CTNS: variants seen among roughly 807,000 people sequenced by gnomAD.
CTNS encodes the protein cystinosin, lysosomal cystine transporter.
Under a neutral mutation model 43.7 loss-of-function variants are expected in CTNS, and 27 were observed. The observed-to-expected ratio is 0.62, with a 90% confidence interval of 0.46 to 0.85. CTNS has a LOEUF of 0.85. CTNS is among the 40% of genes least tolerant of loss of function. The pLI is 0.00. For synonymous variants in CTNS, 187 were observed against 190.6 expected (o/e 0.98, Z 0.16); for missense variants, 457 against 475.4 (o/e 0.96, Z 0.36).
intron 3 of CTNS, among the ~76,000 whole-genome samples, chr17:3,643,880 T>A (rs1312489950): frequency 6.6e-6 from 1 of 152,118 alleles, no homozygotes; most frequent in Non-Finnish European, 1.5e-5. Flanking sequence ...AATTTTTTTT[T>A]AATTAGCTGG....
rs1416577826 is a variant in CTNS at position 3,655,251 on chromosome 17, C to T, written c.360C>T (p.Ser120=). The T allele has an allele frequency of 6.2e-7, 1 of 1,614,210 alleles. No homozygotes were observed. Among genetic ancestry groups the T allele is most frequent in the Non-Finnish European group, 8.5e-7 (1 of 1,180,036 alleles). The part of the protein sequence containing the change: ...GPRIRFLVIR[S]SAISIINQVI... ...GGATACGCTTTCTTGTGATCCGCAGCAGCGCCATTAGCATCATAAACCAGG... is the reference window on the plus strand; with the variant it reads ...GGATACGCTTTCTTGTGATCCGCAGTAGCGCCATTAGCATCATAAACCAGG... The change falls in exon 7 of 12, where the codon AGC becomes AGT. Residue 120 remains serine (S), a synonymous_variant. Coordinates refer to ENST00000046640, the MANE Select transcript of CTNS (RefSeq NM_004937.3).
rs1349016497 is a variant in CTNS at position 3,660,450 on chromosome 17, G to T, written c.*81G>T. 2 of 1,613,344 alleles carry T rather than the reference G, an allele frequency of 1.2e-6. No homozygotes were observed. Among genetic ancestry groups the T allele is most frequent in the African/African-American group, 2.7e-5 (2 of 74,952 alleles). ...TCACCCAGCGAAGGCCGGAGAAGCG[G>T]TTGGGCCCTGGCACACAGGGCTGGC... On this transcript the variant is annotated 3_prime_UTR_variant, in exon 12 of 12. Transcript: ENST00000046640.
chr17:3,638,551 T>C (rs566212631), intron 2 of CTNS, among the ~76,000 whole-genome samples: 72 of 152,288 alleles, frequency 4.7e-4, no homozygotes, highest in African/African-American at 1.6e-3. Flanking sequence ...TCTGATGTTT[T>C]TTAACATTTT....
intron 5 of CTNS, among the ~76,000 whole-genome samples, chr17:3,649,785 T>A (rs1241239054): frequency 1.3e-5 from 2 of 152,304 alleles, no homozygotes; most frequent in African/African-American, 2.4e-5. Context: ...TTTGAGCCAG[T>A]TGCTATTCAA....
chr17:3,651,202 A>G (rs1177523995), intron 5 of CTNS, among the ~76,000 whole-genome samples: 2 of 148,058 alleles, frequency 1.4e-5, no homozygotes, highest in Non-Finnish European at 3.0e-5. Context: ...TTAATCAATT[A>G]TCCTGCCCCA....
intron 10 of CTNS, among the ~76,000 whole-genome samples, chr17:3,659,396 C>T (rs887351954): frequency 2.0e-5 from 3 of 152,204 alleles, no homozygotes; most frequent in Non-Finnish European, 2.9e-5. Flanking sequence ...TGTCACTTGC[C>T]CAAGACAGCA....
intron 10 of CTNS, 93 bp from the exon 11 acceptor site, chr17:3,659,765 A>T: frequency 1.1e-6 from 1 of 890,842 alleles, no homozygotes; most frequent in Middle Eastern, 2.4e-4. Flanking sequence ...AGGAATGAGA[A>T]CCGCTTTTGT....
At chr17:3,653,730 G>A (rs1315178918) in intron 5 of CTNS, among the ~76,000 whole-genome samples, 1 of 152,062 alleles carries the variant, frequency 6.6e-6, no homozygotes, top group Non-Finnish European at 1.5e-5. Flanking sequence ...ACAAAAATTA[G>A]CCAGACGTGG....
At position 3,640,211 on chromosome 17, in the gene CTNS, T is replaced by A. The variant is rs768188337; in HGVS notation, c.5T>A (p.Ile2Lys). 1 of 1,614,020 alleles carries A rather than the reference T, an allele frequency of 6.2e-7. No homozygotes were observed. Among genetic ancestry groups the A allele is most frequent in the South Asian group, 1.1e-5 (1 of 91,088 alleles). The part of the protein sequence containing the change: M[I>K]RNWLTIFILF... ...AGTTCTGAGAAATCGAGAAACATGA[T>A]AAGGAATTGGCTGACTATTTTTATC... is the stretch of plus-strand genomic sequence containing the variant. Residue 2 changes from isoleucine (I) to lysine (K), a missense_variant, in exon 3 of 12, where the codon ATA becomes AAA. Physicochemically the swap from Ile to Lys is moderately radical, Grantham distance 102 (BLOSUM62 -3). Transcript: ENST00000046640.
chr17:3,636,920 C>T (rs1344323367), intron 1 of CTNS, 89 bp downstream of exon 1: 1 of 152,276 alleles, frequency 6.6e-6, no homozygotes, highest in Non-Finnish European at 1.5e-5. Flanking sequence ...GGTCCAGCGC[C>T]CTCAGCCGCG....
chr17:3,650,258 C>T (rs1435509993), intron 5 of CTNS: 3 of 1,550,002 alleles, frequency 1.9e-6, no homozygotes, highest in African/African-American at 1.4e-5. Context: ...CAGCTCTGAG[C>T]CCCCTAGGAA....
rs780856527 is a variant in CTNS at position 3,658,183 on chromosome 17, C to T, written c.852+8C>T. The T allele has an allele frequency of 4.9e-5, 79 of 1,611,854 alleles. No individual in the cohort carries two copies. The highest frequency in any genetic ancestry group is 2.2e-4 in the Middle Eastern group (1 of 4,558). ...GTCAAGTATTTTCCACAGGTACCTCCAGGGCCCTGTTCACATGGCCGGTGG... is the reference window on the plus strand; with the variant it reads ...GTCAAGTATTTTCCACAGGTACCTCTAGGGCCCTGTTCACATGGCCGGTGG... On this transcript the variant is annotated splice_region_variant and intron_variant, in intron 10 of 11. Transcript: ENST00000046640.
chr17:3,646,684 G>A (rs1303812824), intron 3 of CTNS, among the ~76,000 whole-genome samples: 1 of 152,062 alleles, frequency 6.6e-6, no homozygotes, highest in African/African-American at 2.4e-5. Context: ...CAGTCCTCCC[G>A]CCTTGGCCTC....
At chr17:3,649,417 A>G (rs1217149264) in intron 5 of CTNS, among the ~76,000 whole-genome samples, 1 of 148,048 alleles carries the variant, frequency 6.8e-6, no homozygotes, top group Non-Finnish European at 1.5e-5. Context: ...GCCCCACTAC[A>G]CTCCAGCCTG....
chr17:3,648,866 C>G lies in CTNS; in HGVS notation c.160C>G (p.Leu54Val). 6.2e-7 allele frequency: 1 copy of G among 1,613,876 alleles called. No individual in the cohort carries two copies. The highest frequency in any genetic ancestry group is 8.5e-7 in the Non-Finnish European group (1 of 1,179,738). The change falls in exon 5 of 12, where the codon CTG (leucine) becomes GTG (valine). Residue 54 changes from leucine (L) to valine (V), a missense_variant. By Grantham distance (32) the Leu-to-Val change is conservative. Coordinates refer to ENST00000046640, the MANE Select transcript of CTNS (RefSeq NM_004937.3). ...CCACAGGCCACCATTAAATGCAACCCTGGTGATCACTTTTGAAATCACATT... is the reference window on the plus strand; with the variant it reads ...CCACAGGCCACCATTAAATGCAACCGTGGTGATCACTTTTGAAATCACATT... ...LTLRPPLNAT[L>V]VITFEITFRS...
At chr17:3,639,008 G>C (rs974987017) in intron 2 of CTNS, among the ~76,000 whole-genome samples, 13 of 152,174 alleles carry the variant, frequency 8.5e-5, no homozygotes, top group African/African-American at 2.4e-4. Context: ...ACAGAGGTCA[G>C]ACAGCTGGAG....
intron 3 of CTNS, among the ~76,000 whole-genome samples, chr17:3,640,478 T>C (rs2075658416): frequency 6.6e-6 from 1 of 152,256 alleles, no homozygotes; most frequent in African/African-American, 2.4e-5. Flanking sequence ...CACATATAAT[T>C]GGCCTTCTGC....
In CTNS at chr17:3,650,141, C is replaced by T. The variant is rs898672919; in HGVS notation, c.225+1210C>T. On this transcript the variant is annotated intron_variant, in intron 5 of 11. Transcript: ENST00000046640. The stretch of plus-strand genomic sequence containing the variant: ...TCACGTTATATACTGCAAATATATA[C>T]ACTTTTTATTTGTCAATGATACCTT... 6.5e-6 allele frequency: 10 copies of T among 1,548,042 alleles called. No individual in the cohort carries two copies. The African/African-American group carries it at 8.2e-5, about 13-fold the overall frequency.
At chr17:3,657,480 G>A (rs546112258) in intron 9 of CTNS, 213 of 208,430 alleles carry the variant, frequency 1.0e-3, no homozygotes, top group African/African-American at 4.6e-3. Flanking sequence ...GGCCCCACCC[G>A]TATGAACCTT....
Sources: gnomAD v4.1 joint callset for allele counts (sites outside exome capture counted in the v4.1 genomes callset) on GRCh38, gnomAD v4.1.1 for gene constraint, MANE v1.5 for transcripts, NCBI Gene and HGNC (gene_info 2026-07-23, HGNC 2026-07-21) for gene names.